CAMK2D: variants seen among roughly 807,000 people sequenced by gnomAD.
CAMK2D encodes calcium/calmodulin-dependent protein kinase type II subunit delta.
In CAMK2D, 37 loss-of-function variants were observed where a neutral mutation model predicts 84.0. The observed-to-expected ratio is 0.44, with a 90% confidence interval of 0.34 to 0.58. The LOEUF (loss-of-function observed/expected upper bound fraction) is 0.58, where lower values mean the gene tolerates loss of function less well. Ranked by LOEUF, CAMK2D falls within the 20% of genes least tolerant of loss-of-function variation. CAMK2D has a pLI of 0.02. For missense variants in CAMK2D, 448 were observed against 652.5 expected (o/e 0.69, Z 3.41); for synonymous variants, 202 against 212.5 (o/e 0.95, Z 0.43).
chr4:113,603,093 C>T (rs936525111), intron 4 of CAMK2D, among the ~76,000 whole-genome samples: 3 of 152,014 alleles, frequency 2.0e-5, no homozygotes, highest in African/African-American at 7.3e-5. Context: ...CCTTGTTCTC[C>T]AGAGCCGCTG....
chr4:113,711,631 C>T (rs934961459), intron 2 of CAMK2D, among the ~76,000 whole-genome samples: 1 of 152,060 alleles, frequency 6.6e-6, no homozygotes, highest in Non-Finnish European at 1.5e-5. Context: ...TGGAACTAGC[C>T]TTTATGTTGA....
At chr4:113,703,592 C>T (rs999680636) in intron 2 of CAMK2D, among the ~76,000 whole-genome samples, 6 of 152,268 alleles carry the variant, frequency 3.9e-5, no homozygotes, top group East Asian at 3.9e-4. Context: ...CAAAGTCTGA[C>T]GTGAGCCACC....
intron 16 of CAMK2D, among the ~76,000 whole-genome samples, chr4:113,483,653 G>A (rs1030392119): frequency 9.9e-5 from 15 of 151,996 alleles, no homozygotes; most frequent in African/African-American, 3.1e-4. Flanking sequence ...TGATCCACCC[G>A]CCTCAGCCTC....
chr4:113,632,427 T>C (rs2099093533), intron 3 of CAMK2D, among the ~76,000 whole-genome samples: 1 of 152,036 alleles, frequency 6.6e-6, no homozygotes, highest in South Asian at 2.1e-4. Flanking sequence ...TTCATTATGT[T>C]GGTCAGGCTG....
intron 2 of CAMK2D, among the ~76,000 whole-genome samples, chr4:113,686,771 G>A (rs72895937): frequency 0.042 from 6,394 of 152,096 alleles, 177 homozygotes; most frequent in African/African-American, 0.076. Context: ...CTCATCCATA[G>A]TGATTAGTGT....
At chr4:113,644,074 T>C (rs1328242828) in intron 3 of CAMK2D, among the ~76,000 whole-genome samples, 1 of 152,166 alleles carries the variant, frequency 6.6e-6, no homozygotes, top group African/African-American at 2.4e-5. Flanking sequence ...GTTTGTGTAA[T>C]TAAGAAAGGC....
At chr4:113,639,388 G>A (rs2099123107) in intron 3 of CAMK2D, among the ~76,000 whole-genome samples, 1 of 152,148 alleles carries the variant, frequency 6.6e-6, no homozygotes, top group African/African-American at 2.4e-5. Context: ...GATAAAAAGT[G>A]AATGAGGTCC....
intron 2 of CAMK2D, among the ~76,000 whole-genome samples, chr4:113,745,394 A>G (rs2099602001): frequency 1.3e-5 from 2 of 152,022 alleles, no homozygotes; most frequent in Admixed American, 1.3e-4. Flanking sequence ...GCTACACTGA[A>G]TTCTCATAAT....
intron 2 of CAMK2D, among the ~76,000 whole-genome samples, chr4:113,667,664 T>C (rs1162248532): frequency 6.6e-6 from 1 of 152,232 alleles, no homozygotes; most frequent in Non-Finnish European, 1.5e-5. Flanking sequence ...GCCATTTGAC[T>C]ACAAAACCTG....
intron 16 of CAMK2D, among the ~76,000 whole-genome samples, chr4:113,494,213 A>G (rs1163919653): frequency 4.6e-5 from 7 of 151,782 alleles, no homozygotes; most frequent in Admixed American, 3.9e-4. Context: ...GAGGAGAGGC[A>G]CTCTGCTTTT....
chr4:113,493,330 C>G (rs1393933831), intron 16 of CAMK2D, among the ~76,000 whole-genome samples: 1 of 151,934 alleles, frequency 6.6e-6, no homozygotes, highest in Non-Finnish European at 1.5e-5. Flanking sequence ...TCTTGTAAGG[C>G]AGGCCTGGTG....
intron 2 of CAMK2D, among the ~76,000 whole-genome samples, chr4:113,689,436 G>A (rs549450523): frequency 6.6e-6 from 1 of 152,268 alleles, no homozygotes; most frequent in Admixed American, 6.5e-5. Flanking sequence ...GTTTCATGCA[G>A]AACCCAACCT....
chr4:113,730,842 T>C (rs2099566395), intron 2 of CAMK2D, among the ~76,000 whole-genome samples: 1 of 152,350 alleles, frequency 6.6e-6, no homozygotes, highest in East Asian at 1.9e-4. Context: ...CCTTTGTTTA[T>C]TTTTATATCA....
At position 113,696,364 on chromosome 4, in the gene CAMK2D, ATCCCT is replaced by A. The variant is rs570798358; in HGVS notation, c.161-34597_161-34593del. Among the ~76,000 whole-genome samples, 891 of 152,104 alleles carry A rather than the reference ATCCCT, an allele frequency of 5.9e-3. 13 individuals carry two copies. The highest frequency in any genetic ancestry group is 0.02 in the African/African-American group (849 of 41,504). ...GAGGTAGGCATTTTCTTCTGTTTTG[ATCCCT>A]GGTATATCACCAGGACCTAGAATGG... is the stretch of plus-strand genomic sequence containing the variant. On this transcript the variant is annotated intron_variant, in intron 2 of 20. Coordinates refer to ENST00000511664, the MANE Select transcript of CAMK2D (RefSeq NM_001321571.2).
chr4:113,559,587 C>T (rs964754506), intron 4 of CAMK2D, among the ~76,000 whole-genome samples: 2 of 152,232 alleles, frequency 1.3e-5, no homozygotes, highest in African/African-American at 4.8e-5. Context: ...AGGAATCCTA[C>T]CAGGGTTAGG....
At chr4:113,702,205 A>C (rs2099420761) in intron 2 of CAMK2D, among the ~76,000 whole-genome samples, 1 of 152,186 alleles carries the variant, frequency 6.6e-6, no homozygotes, top group African/African-American at 2.4e-5. Flanking sequence ...CTAGAGTGTA[A>C]GATGCTAGAG....
chr4:113,473,067 G>A (rs1168868052), intron 16 of CAMK2D, among the ~76,000 whole-genome samples: 1 of 152,096 alleles, frequency 6.6e-6, no homozygotes, highest in African/African-American at 2.4e-5. Context: ...AGCCCACAGT[G>A]CTTTACTTCA....
chr4:113,741,868 C>T (rs2099593763), intron 2 of CAMK2D, among the ~76,000 whole-genome samples: 1 of 152,202 alleles, frequency 6.6e-6, no homozygotes, highest in Non-Finnish European at 1.5e-5. Context: ...AGCTCACTGT[C>T]ACCTTGGTCC....
intron 16 of CAMK2D, among the ~76,000 whole-genome samples, chr4:113,466,650 A>C (rs1227658645): frequency 6.6e-6 from 1 of 152,206 alleles, no homozygotes; most frequent in African/African-American, 2.4e-5. Flanking sequence ...ATAGCTGTCA[A>C]ACCCAACACC....
Sources: gnomAD v4.1 joint callset for allele counts (sites outside exome capture counted in the v4.1 genomes callset) on GRCh38, gnomAD v4.1.1 for gene constraint, MANE v1.5 for transcripts, NCBI Gene and HGNC (gene_info 2026-07-23, HGNC 2026-07-21) for gene names.